CTNNA3: variants seen among roughly 807,000 people sequenced by gnomAD.
CTNNA3 encodes catenin alpha 3, also known as catenin alpha-3.
In CTNNA3, 76 loss-of-function variants were observed where a neutral mutation model predicts 95.7. That is an observed-to-expected ratio of 0.79 (90% CI 0.66 to 0.96). The LOEUF (loss-of-function observed/expected upper bound fraction) is 0.96. Ranked by LOEUF, CTNNA3 falls within the 40% of genes least tolerant of loss-of-function variation. The probability of loss-of-function intolerance (pLI) is 0.00; values close to 1 mark genes in which losing one functional copy is unlikely to be tolerated. For synonymous variants in CTNNA3, 431 were observed against 374.4 expected, an observed-to-expected ratio of 1.15 and a Z score of -1.74; for missense variants, 1,191 against 1,089.8, an observed-to-expected ratio of 1.09 and a Z score of -1.31.
intron 5 of CTNNA3, among the ~76,000 whole-genome samples, chr10:67,307,408 T>C (rs1408291535): frequency 6.6e-6 from 1 of 152,176 alleles, no homozygotes; most frequent in African/African-American, 2.4e-5. Flanking sequence ...ACAGATGGCA[T>C]GAAAAGCCTT....
intron 9 of CTNNA3, among the ~76,000 whole-genome samples, chr10:66,758,854 G>C (rs897490977): frequency 6.6e-6 from 1 of 152,074 alleles, no homozygotes; most frequent in African/African-American, 2.4e-5. Context: ...AGAATCTCTT[G>C]AATCCAGGAG....
intron 7 of CTNNA3, among the ~76,000 whole-genome samples, chr10:67,043,353 C>A (rs990860596): frequency 1.3e-5 from 2 of 151,990 alleles, no homozygotes; most frequent in Non-Finnish European, 1.5e-5. Context: ...GATTACAGAA[C>A]CACAGCAATA....
At chr10:67,674,195 GT>G (rs1220716324) in intron 1 of CTNNA3, among the ~76,000 whole-genome samples, 1 of 152,060 alleles carries the variant, frequency 6.6e-6, no homozygotes, top group Non-Finnish European at 1.5e-5. Context: ...AAATGAGGCT[GT>G]TAGGATGGGC....
chr10:67,342,344 C>T (rs1842238536), intron 5 of CTNNA3, among the ~76,000 whole-genome samples: 1 of 151,982 alleles, frequency 6.6e-6, no homozygotes, highest in South Asian at 2.1e-4. Flanking sequence ...CCTTGTGATC[C>T]ACCCACCTCG....
chr10:66,990,545 T>C (rs1435752091), intron 7 of CTNNA3, among the ~76,000 whole-genome samples: 2 of 152,182 alleles, frequency 1.3e-5, no homozygotes, highest in Non-Finnish European at 2.9e-5. Context: ...CTAGAAATCA[T>C]CTAGTTCTAG....
chr10:66,715,764 C>A (rs1454839523), intron 9 of CTNNA3, among the ~76,000 whole-genome samples: 3 of 151,928 alleles, frequency 2.0e-5, no homozygotes, highest in African/African-American at 7.2e-5. Flanking sequence ...ATTTATATTT[C>A]TCCTCTTTAT....
chr10:67,011,695 A>T (rs1852352390), intron 7 of CTNNA3, among the ~76,000 whole-genome samples: 1 of 152,236 alleles, frequency 6.6e-6, no homozygotes, highest in Non-Finnish European at 1.5e-5. Context: ...GAGTGCTTAC[A>T]TGTACCAGGT....
chr10:66,973,375 C>A (rs1849832844), intron 7 of CTNNA3, among the ~76,000 whole-genome samples: 1 of 152,092 alleles, frequency 6.6e-6, no homozygotes, highest in African/African-American at 2.4e-5. Flanking sequence ...ACAATGAATT[C>A]TCAATAATTT....
chr10:67,178,536 T>C (rs759093449), intron 7 of CTNNA3, among the ~76,000 whole-genome samples: 14 of 152,104 alleles, frequency 9.2e-5, no homozygotes, highest in Non-Finnish European at 1.5e-4. Flanking sequence ...ACAAGAAGCC[T>C]CACATTTTCA....
intron 1 of CTNNA3, among the ~76,000 whole-genome samples, chr10:67,728,428 A>G (rs1487227261): frequency 6.7e-6 from 1 of 150,016 alleles, no homozygotes; most frequent in African/African-American, 2.4e-5. Context: ...ATGTATGTAT[A>G]TATGTATATG....
intron 4 of CTNNA3, among the ~76,000 whole-genome samples, chr10:67,527,641 C>T (rs577994751): frequency 1.3e-5 from 2 of 152,316 alleles, no homozygotes; most frequent in Admixed American, 6.5e-5. Flanking sequence ...TTTCATCAAG[C>T]TCCTTAAGTA....
chr10:66,636,501 C>T (rs972918264), intron 9 of CTNNA3, among the ~76,000 whole-genome samples: 18 of 152,054 alleles, frequency 1.2e-4, no homozygotes, highest in Middle Eastern at 3.4e-3. Context: ...ACTAACCTTC[C>T]ATAATTAGAG....
intron 17 of CTNNA3, among the ~76,000 whole-genome samples, chr10:65,963,215 A>T (rs1165472336): frequency 6.6e-6 from 1 of 152,162 alleles, no homozygotes; most frequent in East Asian, 1.9e-4. Flanking sequence ...TCCTTTCAAA[A>T]CATTCCCAGT....
intron 5 of CTNNA3, among the ~76,000 whole-genome samples, chr10:67,307,379 C>T (rs1840599145): frequency 6.6e-6 from 1 of 152,146 alleles, no homozygotes; most frequent in Admixed American, 6.5e-5. Context: ...CATAGCATAT[C>T]GTCATATACT....
intron 13 of CTNNA3, among the ~76,000 whole-genome samples, chr10:66,213,597 C>T (rs2088315823): frequency 1.3e-5 from 2 of 152,054 alleles, no homozygotes; most frequent in Non-Finnish European, 2.9e-5. Flanking sequence ...AATATTGAAA[C>T]CACCTTGCCA....
intron 1 of CTNNA3, among the ~76,000 whole-genome samples, chr10:67,737,062 C>T (rs1841306999): frequency 6.6e-6 from 1 of 152,070 alleles, no homozygotes; most frequent in East Asian, 1.9e-4. Flanking sequence ...CTCCCAGGTT[C>T]AAGTGATTCT....
chr10:67,237,972 A>T (rs1424926148), intron 5 of CTNNA3, among the ~76,000 whole-genome samples: 1 of 152,160 alleles, frequency 6.6e-6, no homozygotes, highest in African/African-American at 2.4e-5. Flanking sequence ...AGGAGGTACA[A>T]ATGGTAGGAT....
chr10:66,657,494 T>C (rs527923908), intron 9 of CTNNA3, among the ~76,000 whole-genome samples: 3 of 152,242 alleles, frequency 2.0e-5, no homozygotes, highest in Admixed American at 1.3e-4. Context: ...CGGTAAAGCT[T>C]ACACCATCCA....
At position 66,773,044 on chromosome 10, in the gene CTNNA3, G is replaced by T. The variant is rs144727092; in HGVS notation, c.1128+2400C>A. 5.0e-3 allele frequency among the ~76,000 whole-genome samples: 756 copies of T among 152,316 alleles called. 11 individuals carry two copies. Among genetic ancestry groups the T allele is most frequent in the African/African-American group, 0.017 (715 of 41,572 alleles). Reference sequence around the variant, plus strand: ...AAACTTCTTAAGAACAAGAAGTAGAGATAACTTATATTGCTGTTTTAATTA... The same window carrying T: ...AAACTTCTTAAGAACAAGAAGTAGATATAACTTATATTGCTGTTTTAATTA... On this transcript the variant is annotated intron_variant, in intron 8 of 17. Transcript: ENST00000433211.
Sources: gnomAD v4.1 joint callset for allele counts (sites outside exome capture counted in the v4.1 genomes callset) on GRCh38, gnomAD v4.1.1 for gene constraint, MANE v1.5 for transcripts, NCBI Gene and HGNC (gene_info 2026-07-23, HGNC 2026-07-21) for gene names.